The following PXK variants were observed in gnomAD, a reference collection of about 807,000 sequenced individuals.
PXK encodes PX domain containing serine/threonine kinase like, also known as PX domain-containing protein kinase-like protein.
Under a neutral mutation model 84.7 loss-of-function variants are expected in PXK, and 35 were observed. The observed-to-expected ratio is 0.41, with a 90% CI of 0.32 to 0.55. The LOEUF (loss-of-function observed/expected upper bound fraction) is 0.55, where lower values mean the gene tolerates loss of function less well. Ranked by LOEUF, PXK falls within the 20% of genes least tolerant of loss-of-function variation. PXK has a pLI of 0.21. For missense variants in PXK, 634 were observed against 699.7 expected (o/e 0.91, Z 1.06); for synonymous variants, 253 against 260.8 (o/e 0.97, Z 0.29).
At position 58,409,100 on chromosome 3, in the gene PXK, T is replaced by C. The variant is rs1174276042; in HGVS notation, c.1308+99T>C. ...TTGACTGTTCCCTCTGCAAATATTT[T>C]AAGCATACTTACTCTCAGCCAGCCT... On this transcript the variant is annotated intron_variant, in intron 14 of 17. Transcript: ENST00000356151. This position sits in a 1 kb window ranked among gnomAD's most constrained non-coding sequence, Gnocchi z 4.2. 1 of 894,172 alleles carries C rather than the reference T, an allele frequency of 1.1e-6. No individual in the cohort carries two copies. Among genetic ancestry groups the C allele is most frequent in the East Asian group, 2.5e-5 (1 of 39,422 alleles). 55.4% of individuals were successfully genotyped at this position (894,172 alleles called of 1,614,324 possible).
At position 58,370,653 on chromosome 3, in the gene PXK, G is replaced by T. The variant is rs542634023; in HGVS notation, c.201+1175G>T. Among the ~76,000 whole-genome samples the T allele has an allele frequency of 6.6e-6, 1 of 152,128 alleles. No homozygotes were observed. The highest frequency in any genetic ancestry group is 6.5e-5 in the Admixed American group (1 of 15,274). On this transcript the variant is annotated intron_variant, in intron 3 of 17. Transcript: ENST00000356151. This position sits in a 1 kb window ranked among gnomAD's most constrained non-coding sequence, Gnocchi z 4.2. ...GGAGGACTGTGCACTAGGAGGAAGC[G>T]TAATACTTCCTTTCCTTCAGAAGGC... is the stretch of plus-strand genomic sequence containing the variant.
rs1365959668 is a variant in PXK, at chr3:58,421,019, T to G, written c.1529-3733T>G. The G allele has an allele frequency of 1.0e-6, 1 of 1,002,120 alleles. No homozygotes were observed. The highest frequency in any genetic ancestry group is 1.2e-6 in the Non-Finnish European group (1 of 840,806). The allele number at this position is 1,002,120 out of a possible 1,614,324, so 62.1% of individuals were successfully genotyped here. Reference sequence around the variant, plus strand: ...TATAACTGACGGTAGGGAAAAACAGTTCTTTTGTAAGCATCCTTTATAATT... The same window carrying G: ...TATAACTGACGGTAGGGAAAAACAGGTCTTTTGTAAGCATCCTTTATAATT... On this transcript the variant is annotated intron_variant, in intron 17 of 17. Coordinates refer to ENST00000356151, the MANE Select transcript of PXK (RefSeq NM_017771.5). This position sits in a 1 kb window ranked among gnomAD's most constrained non-coding sequence, Gnocchi z 5.5.
At position 58,364,955 on chromosome 3, in the gene PXK, T is replaced by C. The variant is rs1393659498; in HGVS notation, c.103-919T>C. On this transcript the variant is annotated intron_variant, in intron 1 of 17. Transcript: ENST00000356151. The surrounding 1 kb of genome is among the most constrained non-coding windows in gnomAD (Gnocchi z 4.3). ...TGTCCATTTTTGTCAATTTTATTGG[T>C]CTTTTCAAATAATCAGCTTTTTATT... 3.3e-5 allele frequency among the ~76,000 whole-genome samples: 5 copies of C among 152,096 alleles called. No homozygotes were observed. The highest frequency in any genetic ancestry group is 6.6e-5 in the Admixed American group (1 of 15,254).
chr3:58,344,025 G>A (rs73835186), intron 1 of PXK, among the ~76,000 whole-genome samples: 6,419 of 152,162 alleles, frequency 0.042, 475 homozygotes, highest in African/African-American at 0.15. Flanking sequence ...GTCACACACA[G>A]GTAAAACTGT....
intron 7 of PXK, among the ~76,000 whole-genome samples, chr3:58,392,173 A>C (rs1490335534): frequency 6.9e-6 from 1 of 145,416 alleles, no homozygotes; most frequent in African/African-American, 2.5e-5. Flanking sequence ...TACTCTTTCC[A>C]GCCTGAGAAA....
intron 1 of PXK, among the ~76,000 whole-genome samples, chr3:58,360,608 G>A (rs1333062952): frequency 6.6e-6 from 1 of 152,096 alleles, no homozygotes; most frequent in Non-Finnish European, 1.5e-5. Context: ...AGGGTGGGCA[G>A]ATCACTTGAG....
Position 58,389,081 on chromosome 3 carries a change from T to C in PXK, c.389-1501T>C, listed in dbSNP as rs543098580. Reference sequence around the variant, plus strand: ...CACAGCTATTTTCATAATTTCTTAATGCAAAGAACTTTAAAGAACTTCCTT... The same window carrying C: ...CACAGCTATTTTCATAATTTCTTAACGCAAAGAACTTTAAAGAACTTCCTT... On this transcript the variant is annotated intron_variant, in intron 4 of 17. Transcript: ENST00000356151. 5.6e-4 allele frequency among the ~76,000 whole-genome samples: 86 copies of C among 152,256 alleles called. No homozygotes were observed. The South Asian group carries it at 0.016, about 28-fold the overall frequency.
At chr3:58,404,705 G>C (rs1036133454) in intron 13 of PXK, among the ~76,000 whole-genome samples, 2 of 152,126 alleles carry the variant, frequency 1.3e-5, no homozygotes, top group African/African-American at 4.8e-5. Flanking sequence ...CTATGAGTGC[G>C]ATTTGGGTAG....
chr3:58,356,704 AGT>A (rs2098087456), intron 1 of PXK, among the ~76,000 whole-genome samples: 1 of 151,736 alleles, frequency 6.6e-6, no homozygotes, highest in Non-Finnish European at 1.5e-5. Context: ...CCTGGGTTCA[AGT>A]GATCCTCCTG....
intron 1 of PXK, among the ~76,000 whole-genome samples, chr3:58,347,165 G>A (rs2097840395): frequency 6.6e-6 from 1 of 151,966 alleles, no homozygotes; most frequent in Non-Finnish European, 1.5e-5. Flanking sequence ...TAAAGACGAG[G>A]TCTCACTATG....
chr3:58,393,948 G>A (rs1031793936), intron 7 of PXK, among the ~76,000 whole-genome samples: 3 of 152,112 alleles, frequency 2.0e-5, no homozygotes, highest in African/African-American at 7.2e-5. Flanking sequence ...TCTTTTTGGG[G>A]TGATGAAAAT....
At chr3:58,424,651 A>G (rs574197376) in intron 17 of PXK, 101 bp from the exon 18 acceptor site, 2 of 1,465,908 alleles carry the variant, frequency 1.4e-6, no homozygotes, top group African/African-American at 2.8e-5. Context: ...TGAGAAAAAC[A>G]TGTGGACTCT....
Position 58,390,516 on chromosome 3 carries a change from A to G in PXK, c.389-66A>G. 8.3e-7 allele frequency: 1 copy of G among 1,198,480 alleles called. No homozygotes were observed. The highest frequency in any genetic ancestry group is 1.2e-6 in the Non-Finnish European group (1 of 834,534). 74.2% of individuals were successfully genotyped at this position (1,198,480 alleles called of 1,614,324 possible). A position where few individuals can be genotyped will look rare whatever the true frequency, so the allele number is the denominator to read the frequency against. On this transcript the variant is annotated intron_variant, in intron 4 of 17. Coordinates refer to ENST00000356151, the MANE Select transcript of PXK (RefSeq NM_017771.5). The surrounding 1 kb of genome is among the most constrained non-coding windows in gnomAD (Gnocchi z 4.2). ...CTATAGGGATTTCATTTACAAGAATAATATCTTCAGCATATGGCCCTTTCC... is the reference window on the plus strand; with the variant it reads ...CTATAGGGATTTCATTTACAAGAATGATATCTTCAGCATATGGCCCTTTCC...
rs1487988414 is a variant in PXK, at chr3:58,400,260, T to TA, written c.1181+884dup. 6.6e-6 allele frequency among the ~76,000 whole-genome samples: 1 copy of TA among 152,198 alleles called. No individual in the cohort carries two copies. The highest frequency in any genetic ancestry group is 6.5e-5 in the Admixed American group (1 of 15,276). On this transcript the variant is annotated intron_variant, in intron 12 of 17. Transcript: ENST00000356151. The surrounding 1 kb of genome is among the most constrained non-coding windows in gnomAD (Gnocchi z 4.0). Reference sequence around the variant, plus strand: ...TAATATGTGCTCATTAAGTGTTAGTTATGCTTACTACTGAATCAGCTGATC... The same window carrying TA: ...TAATATGTGCTCATTAAGTGTTAGTTAATGCTTACTACTGAATCAGCTGATC...
intron 1 of PXK, among the ~76,000 whole-genome samples, chr3:58,353,882 T>A (rs181360983): frequency 8.7e-4 from 133 of 152,320 alleles, no homozygotes; most frequent in Admixed American, 4.2e-3. Flanking sequence ...ATTTGGAAGC[T>A]AGGCTGAGGA....
At chr3:58,420,398 T>A (rs2061645732) in intron 17 of PXK, 1 of 1,096,334 alleles carries the variant, frequency 9.1e-7, no homozygotes, top group Admixed American at 2.1e-5. Context: ...TTTGAGTATA[T>A]CCTAGTTTCG....
At chr3:58,413,007 A>G (rs762864502) in intron 17 of PXK, 44 bp downstream of exon 17, 14 of 1,598,990 alleles carry the variant, frequency 8.8e-6, no homozygotes, top group Non-Finnish European at 1.2e-5. Context: ...CTGTCCGCCA[A>G]CAGGAGGAGC....
At chr3:58,373,364 A>T (rs777870671) in intron 3 of PXK, among the ~76,000 whole-genome samples, 105 of 152,194 alleles carry the variant, frequency 6.9e-4, no homozygotes, top group Middle Eastern at 6.8e-3. Context: ...CGTGAGCCAC[A>T]GCGCCTGGCC....
chr3:58,404,237 T>G (rs1381051202), intron 13 of PXK, among the ~76,000 whole-genome samples: 3 of 152,166 alleles, frequency 2.0e-5, no homozygotes, highest in Non-Finnish European at 4.4e-5. Context: ...AGCAGTGGTG[T>G]TATGTGTCAT....
Sources: allele counts gnomAD v4.1 joint callset (sites outside exome capture counted in the v4.1 genomes callset), GRCh38; gene constraint gnomAD v4.1.1; non-coding constraint Gnocchi (gnomAD v3.1); transcripts MANE v1.5; gene names NCBI Gene and HGNC (gene_info 2026-07-23, HGNC 2026-07-21).